The following TAF4 variants were observed in gnomAD, a reference collection of about 807,000 sequenced individuals.
TAF4 encodes the protein TATA-box binding protein associated factor 4, also known as transcription initiation factor TFIID subunit 4.
A neutral mutation model predicts 90.3 loss-of-function variants in TAF4; 9 were observed. That is an observed-to-expected ratio of 0.10 (90% CI 0.06 to 0.17). The LOEUF is 0.17. TAF4 is among the 10% of genes least tolerant of loss of function. TAF4 has a pLI of 1.00. For synonymous variants in TAF4, 818 were observed against 638.9 expected (o/e 1.28, Z -4.23); for missense variants, 1,351 against 1,370.7 (o/e 0.99, Z 0.23).
intron 14 of TAF4, among the ~76,000 whole-genome samples, chr20:61,982,076 G>T (rs868249966): frequency 9.7e-6 from 1 of 103,042 alleles, no homozygotes; most frequent in South Asian, 3.6e-4. Context: ...CACCCCACCC[G>T]AGAGGAGACA....
intron 1 of TAF4, among the ~76,000 whole-genome samples, chr20:62,022,223 TGTGC>T (rs1189203937): frequency 6.6e-6 from 1 of 152,194 alleles, no homozygotes; most frequent in African/African-American, 2.4e-5. Flanking sequence ...AGAGGACAGC[TGTGC>T]TGTCAGTCAG....
intron 1 of TAF4, among the ~76,000 whole-genome samples, chr20:62,017,139 T>C (rs2055816433): frequency 6.7e-6 from 1 of 148,904 alleles, no homozygotes; most frequent in African/African-American, 2.5e-5. Context: ...AGACCCCATC[T>C]CCTAAAAACA....
chr20:62,037,945 C>T (rs2055942167), intron 1 of TAF4: 1 of 187,862 alleles, frequency 5.3e-6, no homozygotes, highest in South Asian at 1.1e-4. Flanking sequence ...GGTCAAGTGA[C>T]TAATGAACCA....
intron 1 of TAF4, among the ~76,000 whole-genome samples, chr20:62,024,903 C>T (rs1399135449): frequency 6.6e-6 from 1 of 152,064 alleles, no homozygotes; most frequent in Non-Finnish European, 1.5e-5. Context: ...TTGAATAGAC[C>T]CTTCGCCAAA....
chr20:62,003,722 G>C lies in TAF4; in HGVS notation c.2371+9C>G. The C allele has an allele frequency of 6.3e-7, 1 of 1,582,622 alleles. No homozygotes were observed. Among genetic ancestry groups the C allele is most frequent in the Non-Finnish European group, 8.6e-7 (1 of 1,169,406 alleles). ...GTGTTGAGCGGCCAGGGGCCCGCGA[G>C]GCCCTCACCTGGCTGCAGTGGGTTC... On this transcript the variant is annotated intron_variant, in intron 8 of 14. Transcript: ENST00000252996.
At chr20:62,027,868 A>G (rs2055883315) in intron 1 of TAF4, among the ~76,000 whole-genome samples, 1 of 152,234 alleles carries the variant, frequency 6.6e-6, no homozygotes, top group Admixed American at 6.5e-5. Context: ...AGTGACTGAG[A>G]AACAGCCTCC....
chr20:61,975,965 T>C lies in TAF4; in HGVS notation c.*203A>G. On this transcript the variant is annotated 3_prime_UTR_variant, in exon 15 of 15. Transcript: ENST00000252996. The stretch of plus-strand genomic sequence containing the variant: ...ATCAAGATGAGTTAAGATTTAATTG[T>C]CCTTTAAGAGTATCCACAGGCCTTT... The C allele has an allele frequency of 1.8e-6, 1 of 570,768 alleles. No individual in the cohort carries two copies. The highest frequency in any genetic ancestry group is 3.1e-6 in the Non-Finnish European group (1 of 327,572). The allele number at this position is 570,768 out of a possible 1,614,324, so 35.4% of individuals were successfully genotyped here. A position where few individuals can be genotyped will look rare whatever the true frequency, so the allele number is the denominator to read the frequency against.
intron 1 of TAF4, among the ~76,000 whole-genome samples, chr20:62,046,827 G>A (rs1236169967): frequency 1.3e-5 from 2 of 152,178 alleles, no homozygotes; most frequent in East Asian, 3.8e-4. Context: ...GTCTAACTAT[G>A]TGAGCACCTT....
chr20:62,000,913 G>C (rs891388719), intron 9 of TAF4, among the ~76,000 whole-genome samples, 192 bp from the exon 10 acceptor site: 6 of 152,304 alleles, frequency 3.9e-5, no homozygotes, highest in Non-Finnish European at 5.9e-5. Flanking sequence ...TGGAAAGCTC[G>C]ATTGTTCTGC....
intron 1 of TAF4, among the ~76,000 whole-genome samples, chr20:62,027,035 G>A (rs564482793): frequency 6.6e-6 from 1 of 152,334 alleles, no homozygotes; most frequent in African/African-American, 2.4e-5. Context: ...GTACAAAAGA[G>A]CTACGTGCAA....
intron 1 of TAF4, among the ~76,000 whole-genome samples, chr20:62,044,699 T>C (rs926986709): frequency 2.0e-5 from 3 of 152,210 alleles, no homozygotes; most frequent in African/African-American, 2.4e-5. Context: ...AGCTTTTCTG[T>C]GCAAGAGAAG....
chr20:62,040,338 CAG>C (rs1464380773), intron 1 of TAF4, among the ~76,000 whole-genome samples: 2 of 152,250 alleles, frequency 1.3e-5, no homozygotes, highest in Non-Finnish European at 2.9e-5. Context: ...GGGCACCACG[CAG>C]AAGTATCCCG....
chr20:62,039,331 A>T (rs185279608), intron 1 of TAF4, among the ~76,000 whole-genome samples: 2 of 152,240 alleles, frequency 1.3e-5, no homozygotes, highest in African/African-American at 4.8e-5. Context: ...AGGCAGCAGC[A>T]TCGTTCAATA....
Position 62,065,422 on chromosome 20 carries a change from G to T in TAF4, c.389C>A (p.Pro130His). 1.0e-6 allele frequency: 1 copy of T among 975,404 alleles called. No individual in the cohort carries two copies. Among genetic ancestry groups the T allele is most frequent in the South Asian group, 4.6e-5 (1 of 21,808 alleles). 60.4% of individuals were successfully genotyped at this position (975,404 alleles called of 1,614,324 possible). The change falls in exon 1 of 15, where the codon CCC becomes CAC. Residue 130 changes from proline to histidine, a missense_variant. By Grantham distance (77) the Pro-to-His change is moderately conservative. Coordinates refer to ENST00000252996, the MANE Select transcript of TAF4 (RefSeq NM_003185.4). The stretch of plus-strand genomic sequence containing the variant: ...GGCGCAGGACCCCGCGCTGCCCTCG[G>T]GCGGCGGCCTCAGCTTCGCGGCGGG... ...APPAAKLRPPPEGSAGSCAPV... is the reference protein window; with the variant it reads ...APPAAKLRPPHEGSAGSCAPV...
intron 14 of TAF4, among the ~76,000 whole-genome samples, chr20:61,982,339 C>A (rs1249599517): frequency 4.4e-5 from 1 of 22,704 alleles, no homozygotes; most frequent in Non-Finnish European, 8.6e-5. Context: ...ACCAAACCCA[C>A]ACCCACCCTA....
Position 62,065,639 on chromosome 20 carries a change from G to C in TAF4, c.172C>G (p.Leu58Val), listed in dbSNP as rs1046374304. 3.6e-5 allele frequency: 38 copies of C among 1,052,312 alleles called. No individual in the cohort carries two copies. In the African/African-American group the frequency reaches 5.9e-4, roughly 16 times the overall value. 65.2% of individuals were successfully genotyped at this position (1,052,312 alleles called of 1,614,324 possible). A position where few individuals can be genotyped will look rare whatever the true frequency, so the allele number is the denominator to read the frequency against. ...CTGCCGCTCACAACATGGTTCCCGAGCGCGCCGGCGGCCGCGGCCCGCACC... is the reference window on the plus strand; with the variant it reads ...CTGCCGCTCACAACATGGTTCCCGACCGCGCCGGCGGCCGCGGCCCGCACC... The part of the protein sequence containing the change: ...PEVRAAAAGA[L>V]GNHVVSGSPA... Residue 58 changes from leucine to valine, a missense_variant, in exon 1 of 15, where the codon CTC becomes GTC. Leu to Val is a conservative substitution (Grantham distance 32). Transcript: ENST00000252996.
chr20:62,033,026 A>G (rs1224183425), intron 1 of TAF4, among the ~76,000 whole-genome samples: 1 of 151,958 alleles, frequency 6.6e-6, no homozygotes, highest in Non-Finnish European at 1.5e-5. Flanking sequence ...GGAAAAAAAG[A>G]GGGGAGGCAG....
intron 1 of TAF4, among the ~76,000 whole-genome samples, chr20:62,024,005 G>A (rs1211545874): frequency 6.6e-6 from 1 of 151,976 alleles, no homozygotes. Flanking sequence ...TTGAGCCCGG[G>A]ACACAGAGAC....
chr20:62,038,869 A>G (rs866940853), intron 1 of TAF4, among the ~76,000 whole-genome samples: 1 of 152,146 alleles, frequency 6.6e-6, no homozygotes, highest in Non-Finnish European at 1.5e-5. Flanking sequence ...CCTGGCCAAC[A>G]CGGCAAAACC....
Sources: allele counts gnomAD v4.1 joint callset (sites outside exome capture counted in the v4.1 genomes callset), GRCh38; gene constraint gnomAD v4.1.1; transcripts MANE v1.5; gene names NCBI Gene and HGNC (gene_info 2026-07-23, HGNC 2026-07-21).